The following ANK2 variants were observed in gnomAD, a reference collection of about 807,000 sequenced individuals.
ANK2 encodes ankyrin 2, also known as ankyrin-2.
Under a neutral mutation model 360.5 loss-of-function variants are expected in ANK2, and 83 were observed. That is an observed-to-expected ratio of 0.23 (90% confidence interval 0.19 to 0.28). The LOEUF is 0.28. Ranked by LOEUF, ANK2 falls within the 10% of genes least tolerant of loss-of-function variation. The probability of loss-of-function intolerance (pLI) is 1.00; values close to 1 mark genes in which losing one functional copy is unlikely to be tolerated. For synonymous variants in ANK2, 1,740 were observed against 1,759.5 expected, an observed-to-expected ratio of 0.99 and a Z score of 0.28; for missense variants, 4,201 against 4,795.7, an observed-to-expected ratio of 0.88 and a Z score of 3.66.
intron 2 of ANK2, among the ~76,000 whole-genome samples, chr4:112,917,170 C>G (rs2090099867): frequency 1.3e-5 from 2 of 152,240 alleles, no homozygotes; most frequent in South Asian, 4.1e-4. Context: ...AACCACACAA[C>G]TACTTTATGC....
intron 2 of ANK2, among the ~76,000 whole-genome samples, chr4:112,975,727 T>C (rs1173601945): frequency 3.9e-5 from 6 of 152,166 alleles, no homozygotes; most frequent in Non-Finnish European, 8.8e-5. Flanking sequence ...ATGCTTCCCT[T>C]TAATTTTGAC....
At chr4:112,838,978 C>T (rs911209006) in intron 1 of ANK2, among the ~76,000 whole-genome samples, 6 of 152,190 alleles carry the variant, frequency 3.9e-5, no homozygotes, top group African/African-American at 1.4e-4. Context: ...CAACTTTCCC[C>T]TATCAAATAA....
rs1563856063 is a variant in ANK2, at chr4:113,335,996, C to T, written c.3530C>T (p.Pro1177Leu). The T allele has an allele frequency of 6.2e-7, 1 of 1,614,108 alleles. No homozygotes were observed. Among genetic ancestry groups the T allele is most frequent in the South Asian group, 1.1e-5 (1 of 91,070 alleles). Residue 1177 changes from proline (P) to leucine (L), a missense_variant, in exon 30 of 46, where the codon CCC becomes CTC. Coordinates refer to ENST00000357077, the MANE Select transcript of ANK2 (RefSeq NM_001148.6). ...GGTGTACTGAGCAGCACAGTGGTGC[C>T]CCAGGTGCAGGCCGTCTTCCCAGAG... ...EGGVLSSTVVPQVQAVFPEGA... is the reference protein window; with the variant it reads ...EGGVLSSTVVLQVQAVFPEGA...
At position 113,353,784 on chromosome 4, in the gene ANK2, T is replaced by C. The variant is rs891594141; in HGVS notation, c.5166T>C (p.Ser1722=). The change falls in exon 38 of 46, where the codon AGT becomes AGC. Residue 1722 remains serine (S), a synonymous_variant. Coordinates refer to ENST00000357077, the MANE Select transcript of ANK2 (RefSeq NM_001148.6). ...QKQKEEGLQA[S]AEKAELKKGS... ...AAAAAGAGGAAGGTTTACAAGCTAG[T>C]GCAGAGAAAGCTGAACTTAAAAAAG... 1.2e-6 allele frequency: 2 copies of C among 1,613,920 alleles called. No individual in the cohort carries two copies. The highest frequency in any genetic ancestry group is 8.5e-7 in the Non-Finnish European group (1 of 1,179,988).
At chr4:113,233,110 T>A (rs1487374442) in intron 5 of ANK2, among the ~76,000 whole-genome samples, 1 of 4,374 alleles carries the variant, frequency 2.3e-4, no homozygotes, top group African/African-American at 7.4e-4. Flanking sequence ...TTTTCTGTTT[T>A]TTTTTTTTTT....
At chr4:112,744,619 G>C in the ANK2 span, among the ~76,000 whole-genome samples, 1 of 151,468 alleles carries the variant, frequency 6.6e-6, no homozygotes, top group South Asian at 2.1e-4. Context: ...CAAAGTGCTG[G>C]GATTACAGGC....
chr4:113,292,969 CT>C lies in ANK2; in HGVS notation c.2376+457del, dbSNP rs556606286. 387 of 352,250 alleles carry C rather than the reference CT, an allele frequency of 1.1e-3. 3 individuals carry two copies. Among genetic ancestry groups the C allele is most frequent in the Non-Finnish European group, 1.6e-3 (286 of 180,114 alleles). The allele number at this position is 352,250 out of a possible 1,614,324, so 21.8% of individuals were successfully genotyped here. ...CCTGGGTTGGATGCAGCCCGAATTG[CT>C]TGCCTGTGTTATTTTGCTGCACAGT... On this transcript the variant is annotated intron_variant, in intron 21 of 45. Transcript: ENST00000357077.
At chr4:113,139,377 T>C (rs1345835400) in intron 1 of ANK2, among the ~76,000 whole-genome samples, 1 of 152,242 alleles carries the variant, frequency 6.6e-6, no homozygotes, top group Non-Finnish European at 1.5e-5. Flanking sequence ...TAAATTATAC[T>C]CTGGCTTAGG....
intron 2 of ANK2, among the ~76,000 whole-genome samples, chr4:112,958,903 C>T (rs964346352): frequency 6.6e-6 from 1 of 151,698 alleles, no homozygotes; most frequent in Admixed American, 6.6e-5. Context: ...GGCTGGAGTG[C>T]GATGGCATGA....
At chr4:112,938,167 T>C (rs1239536406) in intron 2 of ANK2, among the ~76,000 whole-genome samples, 1 of 152,240 alleles carries the variant, frequency 6.6e-6, no homozygotes, top group Non-Finnish European at 1.5e-5. Flanking sequence ...GTTTAAATCA[T>C]TTCATCTTTA....
At chr4:113,205,442 T>C (rs945723489) in intron 4 of ANK2, among the ~76,000 whole-genome samples, 5 of 152,134 alleles carry the variant, frequency 3.3e-5, no homozygotes, top group Admixed American at 3.3e-4. Context: ...ATGTTCTTAC[T>C]TGGCATTTTT....
At chr4:112,966,058 G>A (rs887958377) in intron 2 of ANK2, among the ~76,000 whole-genome samples, 6 of 151,604 alleles carry the variant, frequency 4.0e-5, no homozygotes, top group South Asian at 2.1e-4. Context: ...TTTTCACATT[G>A]TTAGGTGTAG....
chr4:112,827,281 CA>C lies in ANK2; in HGVS notation c.-40+9018del, dbSNP rs1389264486. Reference sequence around the variant, plus strand: ...AATGTTACTTAAGGCAGCCAAGAGTCATTGTAATAAAGAAGATCCAGAACAG... The same window carrying C: ...AATGTTACTTAAGGCAGCCAAGAGTCTTGTAATAAAGAAGATCCAGAACAG... On this transcript the variant is annotated intron_variant, in intron 1 of 30. Transcript: ENST00000503271. 9 of 1,055,952 alleles carry C rather than the reference CA, an allele frequency of 8.5e-6. No individual in the cohort carries two copies. The East Asian group carries it at 1.6e-4, about 19-fold the overall frequency. The allele number at this position is 1,055,952 out of a possible 1,614,324, so 65.4% of individuals were successfully genotyped here.
rs1434179621 is a variant in ANK2, at chr4:112,964,573, CT to C, written c.21+60074del. 8.9e-3 allele frequency among the ~76,000 whole-genome samples: 1,233 copies of C among 138,696 alleles called. 8 individuals are homozygous for C. Among genetic ancestry groups the C allele is most frequent in the African/African-American group, 0.024 (927 of 37,872 alleles). The allele number at this position is 138,696 out of a possible 152,430, so 91.0% of individuals were successfully genotyped here. On this transcript the variant is annotated intron_variant, in intron 2 of 30. Transcript: ENST00000503271. ...TGTACCACATTTTCTTTTCTTTTTT[CT>C]TTTTTTTTTTTTTTGAGACAGAGTC... is the stretch of plus-strand genomic sequence containing the variant.
At chr4:113,037,010 G>A (rs1380602638) in intron 2 of ANK2, among the ~76,000 whole-genome samples, 1 of 151,928 alleles carries the variant, frequency 6.6e-6, no homozygotes, top group East Asian at 1.9e-4. Context: ...TGGGAGCAGG[G>A]AAACTGACAC....
At chr4:113,225,650 A>G (rs1030283267) in intron 4 of ANK2, among the ~76,000 whole-genome samples, 9 of 152,206 alleles carry the variant, frequency 5.9e-5, no homozygotes, top group African/African-American at 2.2e-4. Flanking sequence ...ATTACCTTGT[A>G]TATTAACAGT....
intron 1 of ANK2, among the ~76,000 whole-genome samples, chr4:112,835,439 A>G (rs2060794105): frequency 6.6e-6 from 1 of 152,172 alleles, no homozygotes; most frequent in African/African-American, 2.4e-5. Flanking sequence ...ATGCATTTAT[A>G]ATGAATAGTA....
intron 2 of ANK2, among the ~76,000 whole-genome samples, chr4:113,017,117 A>G (rs1261637144): frequency 6.6e-6 from 1 of 152,222 alleles, no homozygotes; most frequent in Non-Finnish European, 1.5e-5. Context: ...TATTTCAAGA[A>G]GGTTTGTAGC....
At chr4:112,857,407 T>C (rs1263973091) in intron 1 of ANK2, among the ~76,000 whole-genome samples, 1 of 152,198 alleles carries the variant, frequency 6.6e-6, no homozygotes, top group Non-Finnish European at 1.5e-5. Flanking sequence ...AAACATATTA[T>C]GCCAAATGTA....
Sources: allele counts gnomAD v4.1 joint callset (sites outside exome capture counted in the v4.1 genomes callset), GRCh38; gene constraint gnomAD v4.1.1; transcripts MANE v1.5; gene names NCBI Gene and HGNC (gene_info 2026-07-23, HGNC 2026-07-21).